Variants in ANK3 observed in about 807,000 individuals in gnomAD.
ANK3 encodes the protein ankyrin-3.
A neutral mutation model predicts 370.9 loss-of-function variants in ANK3; 57 were observed. That is an observed-to-expected ratio of 0.15 (90% CI 0.12 to 0.19). The LOEUF is 0.19. ANK3 is among the 10% of genes least tolerant of loss of function. The pLI, the probability that ANK3 is intolerant of heterozygous loss-of-function variation, is 1.00. For missense variants in ANK3, 4,439 were observed against 5,302.1 expected (o/e 0.84, Z 5.06); for synonymous variants, 1,929 against 1,946.3 (o/e 0.99, Z 0.23).
chr10:60,648,273 C>T (rs1212445017), intron 1 of ANK3, among the ~76,000 whole-genome samples: 6 of 150,108 alleles, frequency 4.0e-5, no homozygotes, highest in Non-Finnish European at 8.9e-5. Flanking sequence ...CTACCTCAGC[C>T]TCCCGAGTAG....
intron 1 of ANK3, among the ~76,000 whole-genome samples, chr10:60,296,383 T>G (rs867944495): frequency 2.0e-5 from 3 of 152,202 alleles, no homozygotes; most frequent in African/African-American, 7.2e-5. Flanking sequence ...CATTGTTGCA[T>G]AAACACAACT....
chr10:60,530,602 G>A (rs2076583353), intron 2 of ANK3, among the ~76,000 whole-genome samples: 1 of 152,162 alleles, frequency 6.6e-6, no homozygotes, highest in African/African-American at 2.4e-5. Context: ...GTTGCCCTAT[G>A]TGCCTTCCTC....
chr10:60,508,118 T>C (rs959181125), intron 2 of ANK3: 5 of 152,146 alleles, frequency 3.3e-5, no homozygotes, highest in African/African-American at 1.2e-4. Context: ...GCCAAGTGTT[T>C]TTCTTTTCTC....
chr10:60,486,562 A>G (rs1488236935), intron 2 of ANK3, among the ~76,000 whole-genome samples: 1 of 152,206 alleles, frequency 6.6e-6, no homozygotes, highest in Non-Finnish European at 1.5e-5. Context: ...CCTGGGTAGC[A>G]GAGTAAAACT....
chr10:60,179,178 G>A (rs1347371180), intron 18 of ANK3, among the ~76,000 whole-genome samples: 1 of 152,176 alleles, frequency 6.6e-6, no homozygotes, highest in Non-Finnish European at 1.5e-5. Context: ...ACAAAATTAA[G>A]CAGCAAATGC....
At chr10:60,581,418 C>CTT (rs56317709) in intron 2 of ANK3, among the ~76,000 whole-genome samples, 48 of 123,442 alleles carry the variant, frequency 3.9e-4, no homozygotes, top group African/African-American at 1.2e-3. Context: ...GTATTTTGCC[C>CTT]TTTTTTTTTT....
At chr10:60,413,214 G>C (rs560419498) in intron 2 of ANK3, among the ~76,000 whole-genome samples, 19 of 152,268 alleles carry the variant, frequency 1.2e-4, no homozygotes, top group African/African-American at 4.3e-4. Flanking sequence ...TTTACTAAAG[G>C]CAATATTAAG....
At chr10:60,182,418 A>T (rs1591390159) in intron 17 of ANK3, among the ~76,000 whole-genome samples, 1 of 152,240 alleles carries the variant, frequency 6.6e-6, no homozygotes, top group South Asian at 2.1e-4. Flanking sequence ...AAGAAAAAAA[A>T]TTACTAAGAT....
chr10:60,209,697 C>T lies in ANK3; in HGVS notation c.997-1464G>A, dbSNP rs117360719. ...TTCCCATTTGAGATACTGCTACCCA[C>T]GAGCATATGGACTGCTTTATTCCTG... On this transcript the variant is annotated intron_variant, in intron 9 of 43. Transcript: ENST00000280772. 6.7e-3 allele frequency among the ~76,000 whole-genome samples: 1,022 copies of T among 152,238 alleles called. 4 individuals are homozygous for T. The highest frequency in any genetic ancestry group is 0.011 in the Non-Finnish European group (774 of 68,016).
At chr10:60,243,675 T>C (rs541811734) in intron 7 of ANK3, among the ~76,000 whole-genome samples, 1 of 152,238 alleles carries the variant, frequency 6.6e-6, no homozygotes, top group Non-Finnish European at 1.5e-5. Flanking sequence ...TTAGTAAACA[T>C]TATAACAATT....
In ANK3 at chr10:60,073,640, G is replaced by C; in HGVS notation, c.7241C>G (p.Thr2414Ser). The C allele has an allele frequency of 6.2e-7, 1 of 1,613,978 alleles. No homozygotes were observed. The highest frequency in any genetic ancestry group is 8.5e-7 in the Non-Finnish European group (1 of 1,179,980). Residue 2414 changes from threonine (T) to serine (S), a missense_variant, in exon 37 of 44, where the codon ACT becomes AGT. Thr to Ser is a moderately conservative substitution (Grantham distance 58). Around this residue, in one of 13 missense-constraint regions of ANK3, gnomAD observed 1,601 missense variants for 1,731.7 expected, o/e 0.92. Transcript: ENST00000280772. ...GCTATCTTCTTCTTGGGACACAGGA[G>C]TGTTTACTCTGGAAGACTCCAGATA... ...PSYLESSRVNTPVSQEEDSRP... is the reference protein window; with the variant it reads ...PSYLESSRVNSPVSQEEDSRP...
In ANK3 at chr10:60,075,370, C is replaced by A. The variant is rs774079675; in HGVS notation, c.5511G>T (p.Lys1837Asn). 6.2e-7 allele frequency: 1 copy of A among 1,614,086 alleles called. No individual in the cohort carries two copies. Among genetic ancestry groups the A allele is most frequent in the Non-Finnish European group, 8.5e-7 (1 of 1,180,002 alleles). Residue 1837 changes from lysine (K) to asparagine (N), a missense_variant, in exon 37 of 44, where the codon AAG (lysine) becomes AAT (asparagine). By Grantham distance (94) the Lys-to-Asn change is moderately conservative. Transcript: ENST00000280772. ...VVNVLPEPAL[K>N]KLPDSNSFTK... ...TAAATGAATTAGAGTCTGGAAGTTT[C>A]TTTAATGCTGGTTCTGGCAAAACAT...
chr10:60,145,821 G>T, intron 23 of ANK3: 1 of 578,558 alleles, frequency 1.7e-6, no homozygotes, highest in Non-Finnish European at 3.1e-6. Flanking sequence ...AGGGCAAGGG[G>T]GCTTTGTCTG....
chr10:60,113,192 G>GT (rs372194366), intron 26 of ANK3, among the ~76,000 whole-genome samples: 1,653 of 148,226 alleles, frequency 0.011, 30 homozygotes, highest in African/African-American at 0.038. Context: ...ACACTGGTAT[G>GT]TTTTTTTTTT....
At position 60,109,064 on chromosome 10, in the gene ANK3, GA is replaced by G; in HGVS notation, c.2949-11del. On this transcript the variant is annotated splice_polypyrimidine_tract_variant and intron_variant, in intron 26 of 43. Transcript: ENST00000280772. ...AAAGCTAACCAGAAACCTGAGGGGA[GA>G]AGATCAGAGGCCAATTCAAGGACGG... is the stretch of plus-strand genomic sequence containing the variant. 1 of 1,606,858 alleles carries G rather than the reference GA, an allele frequency of 6.2e-7. No individual in the cohort carries two copies.
chr10:60,102,211 C>T (rs1442918311), intron 28 of ANK3, among the ~76,000 whole-genome samples: 2 of 149,476 alleles, frequency 1.3e-5, no homozygotes, highest in African/African-American at 2.5e-5. Context: ...AAGAAAGTAC[C>T]CCTATGTCTT....
At chr10:60,057,408 T>C (rs1053320078) in intron 41 of ANK3, among the ~76,000 whole-genome samples, 1 of 152,202 alleles carries the variant, frequency 6.6e-6, no homozygotes, top group Non-Finnish European at 1.5e-5. Flanking sequence ...GCTTTATATG[T>C]ATAATATATA....
rs756799892 is a variant in ANK3 at position 60,205,908 on chromosome 10, A to G, written c.1195-18T>C. 10 of 1,488,426 alleles carry G rather than the reference A, an allele frequency of 6.7e-6. No homozygotes were observed. Among genetic ancestry groups the G allele is most frequent in the Non-Finnish European group, 9.4e-6 (10 of 1,065,634 alleles). 92.2% of individuals were successfully genotyped at this position (1,488,426 alleles called of 1,614,324 possible). A position where few individuals can be genotyped will look rare whatever the true frequency, so the allele number is the denominator to read the frequency against. Reference sequence around the variant, plus strand: ...AAGCCATTCTGCAAGGGACAAATACATATACCTGCTTGACTACATTCCATC... The same window carrying G: ...AAGCCATTCTGCAAGGGACAAATACGTATACCTGCTTGACTACATTCCATC... On this transcript the variant is annotated intron_variant, in intron 10 of 43. Coordinates refer to ENST00000280772, the MANE Select transcript of ANK3 (RefSeq NM_020987.5).
chr10:60,438,875 A>G (rs1487490089), intron 2 of ANK3, among the ~76,000 whole-genome samples: 1 of 152,240 alleles, frequency 6.6e-6, no homozygotes, highest in Non-Finnish European at 1.5e-5. Context: ...AGCAGGAAGA[A>G]AAATTTTTAA....
Sources: allele counts gnomAD v4.1 joint callset (sites outside exome capture counted in the v4.1 genomes callset), GRCh38; gene constraint gnomAD v4.1.1; regional missense constraint gnomAD v4.1.1; transcripts MANE v1.5; gene names NCBI Gene and HGNC (gene_info 2026-07-23, HGNC 2026-07-21).